EBF2: variants seen among roughly 807,000 people sequenced by gnomAD.
EBF2 encodes the protein transcription factor COE2.
Under a neutral mutation model 72.8 loss-of-function variants are expected in EBF2, and 21 were observed. That is an observed-to-expected ratio of 0.29 (90% CI 0.20 to 0.42). The LOEUF (loss-of-function observed/expected upper bound fraction) is 0.42. Among genes scored for constraint, EBF2 ranks in the 10% least tolerant of loss-of-function variants. The probability of loss-of-function intolerance (pLI) is 1.00; values close to 1 mark genes in which losing one functional copy is unlikely to be tolerated. For synonymous variants in EBF2, 299 were observed against 274.2 expected, an observed-to-expected ratio of 1.09 and a Z score of -0.89; for missense variants, 637 against 731.2, an observed-to-expected ratio of 0.87 and a Z score of 1.49.
At chr8:25,875,475 T>C (rs1802507040) in intron 10 of EBF2, among the ~76,000 whole-genome samples, 1 of 152,198 alleles carries the variant, frequency 6.6e-6, no homozygotes, top group South Asian at 2.1e-4. Flanking sequence ...TCTCTCAAGC[T>C]TAATAAAAAT....
chr8:26,023,728 C>G (rs1012491020), intron 6 of EBF2, among the ~76,000 whole-genome samples: 2 of 152,208 alleles, frequency 1.3e-5, no homozygotes, highest in African/African-American at 4.8e-5. Context: ...AAAGAAGACA[C>G]GTACTCATGG....
At chr8:26,020,307 T>A (rs1805184313) in intron 6 of EBF2, among the ~76,000 whole-genome samples, 1 of 152,232 alleles carries the variant, frequency 6.6e-6, no homozygotes, top group Non-Finnish European at 1.5e-5. Context: ...TTCCAGTGTT[T>A]GGGTTTGGAG....
chr8:26,040,675 C>A lies in EBF2; in HGVS notation c.353-4G>T, dbSNP rs1805584154. On this transcript the variant is annotated splice_region_variant and splice_polypyrimidine_tract_variant and intron_variant, in intron 3 of 15. Coordinates refer to ENST00000520164, the MANE Select transcript of EBF2 (RefSeq NM_022659.4). ...AGGTCCTGTTCCGTGCGGACACCTG[C>A]GGGGACCGGAGGGGCACGAGTCAAG... 1.3e-6 allele frequency: 2 copies of A among 1,554,770 alleles called. No homozygotes were observed. The highest frequency in any genetic ancestry group is 1.7e-6 in the Non-Finnish European group (2 of 1,148,632).
At chr8:26,041,867 G>A (rs1805606234) in intron 2 of EBF2, among the ~76,000 whole-genome samples, 1 of 152,202 alleles carries the variant, frequency 6.6e-6, no homozygotes, top group African/African-American at 2.4e-5. Flanking sequence ...AAGGCCTCCA[G>A]GCTCGGTGCG....
intron 6 of EBF2, among the ~76,000 whole-genome samples, chr8:26,025,582 C>T (rs527672677): frequency 6.6e-6 from 1 of 152,216 alleles, no homozygotes; most frequent in South Asian, 2.1e-4. Context: ...TCCAGCACCA[C>T]CTCTGCAATC....
intron 10 of EBF2, among the ~76,000 whole-genome samples, chr8:25,863,214 G>C (rs935120119): frequency 6.6e-6 from 1 of 151,598 alleles, no homozygotes; most frequent in African/African-American, 2.4e-5. Context: ...TTCTTAACCA[G>C]TCTCTTATGT....
At chr8:25,873,316 T>C (rs1802471565) in intron 10 of EBF2, among the ~76,000 whole-genome samples, 1 of 152,210 alleles carries the variant, frequency 6.6e-6, no homozygotes, top group African/African-American at 2.4e-5. Flanking sequence ...CTAAGACCCC[T>C]TTCAAGCTCT....
chr8:25,848,453 G>A (rs997014215), intron 15 of EBF2, among the ~76,000 whole-genome samples: 1 of 152,150 alleles, frequency 6.6e-6, no homozygotes, highest in African/African-American at 2.4e-5. Context: ...ACCAAGCAAG[G>A]TTTCCTTCCA....
chr8:25,907,134 C>A (rs1803047389), intron 7 of EBF2, among the ~76,000 whole-genome samples: 1 of 151,784 alleles, frequency 6.6e-6, no homozygotes, highest in Non-Finnish European at 1.5e-5. Context: ...AAAAATTATT[C>A]AGGGTCCGAT....
At chr8:25,926,127 C>T (rs544639966) in intron 6 of EBF2, among the ~76,000 whole-genome samples, 254 of 152,182 alleles carry the variant, frequency 1.7e-3, no homozygotes, top group African/African-American at 5.8e-3. Context: ...GTCCTTCTAC[C>T]GGGAAGCAAG....
intron 6 of EBF2, among the ~76,000 whole-genome samples, chr8:25,981,375 T>G (rs1302324267): frequency 6.6e-6 from 1 of 151,936 alleles, no homozygotes; most frequent in African/African-American, 2.4e-5. Flanking sequence ...CAAGGCAAAC[T>G]TCCATTGCCC....
chr8:25,959,412 T>C (rs1019094352), intron 6 of EBF2, among the ~76,000 whole-genome samples: 1 of 152,076 alleles, frequency 6.6e-6, no homozygotes, highest in Non-Finnish European at 1.5e-5. Flanking sequence ...ACCAAGTTCG[T>C]CAGGCTGGTC....
At chr8:25,905,440 C>T (rs1453748713) in intron 7 of EBF2, among the ~76,000 whole-genome samples, 4 of 152,140 alleles carry the variant, frequency 2.6e-5, no homozygotes, top group African/African-American at 4.8e-5. Flanking sequence ...ACAATCCAAA[C>T]GTCCACTAAC....
At chr8:25,898,051 G>A (rs1056669697) in intron 7 of EBF2, among the ~76,000 whole-genome samples, 4 of 152,132 alleles carry the variant, frequency 2.6e-5, no homozygotes, top group East Asian at 1.9e-4. Context: ...AAACATTGTC[G>A]CAGCCTTAAG....
At chr8:25,859,772 A>C (rs1802176717) in intron 13 of EBF2, among the ~76,000 whole-genome samples, 1 of 150,474 alleles carries the variant, frequency 6.6e-6, no homozygotes, top group Non-Finnish European at 1.5e-5. Flanking sequence ...GCTGGAGTAC[A>C]GTGGCACAGT....
intron 14 of EBF2, among the ~76,000 whole-genome samples, chr8:25,854,222 T>C (rs998189989): frequency 8.2e-5 from 11 of 134,244 alleles, no homozygotes; most frequent in African/African-American, 3.4e-4. Flanking sequence ...ATTACTCTAA[T>C]ACCAACCCCC....
intron 15 of EBF2, among the ~76,000 whole-genome samples, chr8:25,845,369 G>C (rs1033190455): frequency 2.0e-5 from 3 of 152,114 alleles, no homozygotes; most frequent in Admixed American, 6.5e-5. Context: ...GAGTAGCTGG[G>C]ACTACAGGTG....
chr8:25,986,830 G>C (rs1406041148), intron 6 of EBF2, among the ~76,000 whole-genome samples: 2 of 152,204 alleles, frequency 1.3e-5, no homozygotes, highest in African/African-American at 4.8e-5. Flanking sequence ...AAGCCAGCAT[G>C]TTCCAAGATT....
chr8:25,878,825 T>C (rs1023591120), intron 10 of EBF2, among the ~76,000 whole-genome samples: 3 of 152,130 alleles, frequency 2.0e-5, no homozygotes, highest in African/African-American at 7.2e-5. Context: ...GTCCCTCCCC[T>C]CCTCACTCCG....
Sources: allele counts gnomAD v4.1 joint callset (sites outside exome capture counted in the v4.1 genomes callset), GRCh38; gene constraint gnomAD v4.1.1; transcripts MANE v1.5; gene names NCBI Gene and HGNC (gene_info 2026-07-23, HGNC 2026-07-21).